Variants in NDRG1 observed in about 807,000 individuals in gnomAD.
NDRG1 encodes N-myc downstream regulated 1, also known as protein NDRG1.
In NDRG1, 32 loss-of-function variants were observed where a neutral mutation model predicts 56.9. The ratio of observed to expected loss-of-function variants is 0.56; its 90% CI spans 0.42 to 0.76. NDRG1 has a LOEUF of 0.76. Among genes scored for constraint, NDRG1 ranks in the 30% least tolerant of loss-of-function variants. The pLI is 0.00. For synonymous variants in NDRG1, 211 were observed against 204.1 expected (o/e 1.03, Z -0.29); for missense variants, 507 against 545.7 (o/e 0.93, Z 0.71).
Position 133,247,928 on chromosome 8 carries a change from T to G in NDRG1, c.756-2A>C. The G allele has an allele frequency of 2.5e-6, 4 of 1,613,986 alleles. No homozygotes were observed. Among genetic ancestry groups the G allele is most frequent in the Non-Finnish European group, 3.4e-6 (4 of 1,179,948 alleles). On this transcript the variant is annotated splice_acceptor_variant, in intron 11 of 15. Transcript: ENST00000323851. LOFTEE classifies it high-confidence loss of function. ...CCAACCACCAACAGAGCAGGGCACCTGGGGTCAGGGATAGAGCAGAGAATT... is the reference window on the plus strand; with the variant it reads ...CCAACCACCAACAGAGCAGGGCACCGGGGGTCAGGGATAGAGCAGAGAATT...
At chr8:133,251,600 T>A (rs958263413) in intron 9 of NDRG1, among the ~76,000 whole-genome samples, 1 of 152,136 alleles carries the variant, frequency 6.6e-6, no homozygotes, top group African/African-American at 2.4e-5. Context: ...GGCTGTGAAT[T>A]TTTCCCAATT....
Position 133,238,156 on chromosome 8 carries a change from T to C in NDRG1, c.*722A>G. 1 of 233,114 alleles carries C rather than the reference T, an allele frequency of 4.3e-6. No individual in the cohort carries two copies. The highest frequency in any genetic ancestry group is 6.0e-5 in the East Asian group (1 of 16,578). 14.4% of individuals were successfully genotyped at this position (233,114 alleles called of 1,614,324 possible). On this transcript the variant is annotated 3_prime_UTR_variant, in exon 16 of 16. Coordinates refer to ENST00000323851, the MANE Select transcript of NDRG1 (RefSeq NM_006096.4). ...CCATGATGCCCAACGTTTGCTGAAA[T>C]ATTTTTGTCTGTAAAGCCAGGAGAT...
chr8:133,241,973 A>G (rs759544908), intron 15 of NDRG1, 50 bp downstream of exon 15: 115 of 1,608,020 alleles, frequency 7.2e-5, no homozygotes, highest in Non-Finnish European at 9.5e-5. Flanking sequence ...GAGCACTTCC[A>G]ATTCCGACAC....
intron 5 of NDRG1, chr8:133,259,513 A>T (rs545139556): frequency 1.1e-4 from 56 of 492,814 alleles, no homozygotes; most frequent in South Asian, 1.1e-3. Context: ...TCATAGCAAG[A>T]TTATAAACAT....
intron 3 of NDRG1, among the ~76,000 whole-genome samples, chr8:133,274,785 G>C (rs1185623187): frequency 2.6e-5 from 4 of 152,174 alleles, no homozygotes; most frequent in Non-Finnish European, 2.9e-5. Flanking sequence ...TCACGGTTGA[G>C]AGAACTGTCT....
chr8:133,253,989 C>T (rs1459251359), intron 9 of NDRG1, among the ~76,000 whole-genome samples: 1 of 151,800 alleles, frequency 6.6e-6, no homozygotes, highest in Non-Finnish European at 1.5e-5. Context: ...GGAATGAGCA[C>T]TGCACCCCGA....
intron 2 of NDRG1, among the ~76,000 whole-genome samples, chr8:133,283,399 T>C (rs558004998): frequency 5.9e-5 from 9 of 152,362 alleles, no homozygotes; most frequent in African/African-American, 2.2e-4. Flanking sequence ...TAAGTGAGAA[T>C]TGGGATGTAA....
At chr8:133,293,933 G>A (rs866348406) in intron 1 of NDRG1, among the ~76,000 whole-genome samples, 13 of 152,172 alleles carry the variant, frequency 8.5e-5, no homozygotes, top group Admixed American at 2.6e-4. Context: ...TAGGACAAAG[G>A]GTCCCAGACT....
Position 133,242,025 on chromosome 8 carries a change from T to C in NDRG1, c.941A>G (p.Tyr314Cys). ...AFKYFVQGMG[Y>C]MPSASMTRLM... ...CACACGGGGAATGCCATACTCACTG[T>C]ATCCCATGCCCTGCACGAAGTACTT... Residue 314 changes from tyrosine (Y) to cysteine (C), a missense_variant and splice_region_variant, in exon 15 of 16, where the codon TAC becomes TGC. Transcript: ENST00000323851. The C allele has an allele frequency of 6.2e-7, 1 of 1,614,222 alleles. No individual in the cohort carries two copies. The highest frequency in any genetic ancestry group is 1.1e-5 in the South Asian group (1 of 91,086).
At chr8:133,248,862 G>A in intron 10 of NDRG1, 91 bp from the exon 11 acceptor site, 1 of 1,455,474 alleles carries the variant, frequency 6.9e-7, no homozygotes, top group Non-Finnish European at 9.6e-7. Context: ...GGTCCTGCCA[G>A]TGGCCATTCT....
In NDRG1 at chr8:133,267,521, A is replaced by C. The variant is rs1399456193; in HGVS notation, c.100-2869T>G. On this transcript the variant is annotated intron_variant, in intron 3 of 15. Coordinates refer to ENST00000323851, the MANE Select transcript of NDRG1 (RefSeq NM_006096.4). ...AGGGCCCAACACTTCTTTCCTGCCCATAACAGGCACTGGAAAAATCCATAG... is the reference window on the plus strand; with the variant it reads ...AGGGCCCAACACTTCTTTCCTGCCCCTAACAGGCACTGGAAAAATCCATAG... Among the ~76,000 whole-genome samples the C allele has an allele frequency of 2.0e-5, 3 of 152,150 alleles. No individual in the cohort carries two copies. In the East Asian group the frequency reaches 5.8e-4, roughly 29 times the overall value.
At chr8:133,259,336 C>T (rs189352741) in intron 5 of NDRG1, 106 bp from the exon 6 acceptor site, 2 of 1,117,824 alleles carry the variant, frequency 1.8e-6, no homozygotes, top group East Asian at 2.4e-5. Flanking sequence ...CTGCCCCATG[C>T]ACCCAGACCC....
At chr8:133,244,306 C>T (rs775007508) in intron 14 of NDRG1, 49 bp downstream of exon 14, 2 of 1,611,182 alleles carry the variant, frequency 1.2e-6, no homozygotes, top group Non-Finnish European at 1.7e-6. Context: ...TGCACTCCAC[C>T]CAGGGGGAAG....
chr8:133,281,753 C>T (rs1401367816), intron 2 of NDRG1, among the ~76,000 whole-genome samples: 2 of 152,136 alleles, frequency 1.3e-5, no homozygotes, highest in Non-Finnish European at 2.9e-5. Context: ...ATTCAAATAG[C>T]CCCACATCCC....
chr8:133,239,351 CCAGA>C (rs1855254312), intron 15 of NDRG1: 1 of 680,894 alleles, frequency 1.5e-6, no homozygotes, highest in Admixed American at 2.8e-5. Flanking sequence ...TGACTTGAAC[CCAGA>C]TCTGGGTCTG....
chr8:133,256,698 G>T, intron 8 of NDRG1, 79 bp downstream of exon 8: 1 of 1,380,422 alleles, frequency 7.2e-7, no homozygotes, highest in Middle Eastern at 2.3e-4. Flanking sequence ...GTAGCTCCAG[G>T]GATCCCCCAG....
chr8:133,287,149 G>A (rs1456599202), intron 1 of NDRG1, among the ~76,000 whole-genome samples: 1 of 152,108 alleles, frequency 6.6e-6, no homozygotes, highest in Non-Finnish European at 1.5e-5. Flanking sequence ...AATCATGTAA[G>A]GAAGTTCAAC....
At chr8:133,292,601 G>A (rs1858491562) in intron 1 of NDRG1, among the ~76,000 whole-genome samples, 1 of 152,134 alleles carries the variant, frequency 6.6e-6, no homozygotes, top group African/African-American at 2.4e-5. Flanking sequence ...CCAGCTGAGA[G>A]AGGCCATAGA....
chr8:133,259,735 G>A (rs59699054), intron 5 of NDRG1, among the ~76,000 whole-genome samples: 1,732 of 152,270 alleles, frequency 0.011, 37 homozygotes, highest in African/African-American at 0.038. Context: ...CACACATGCC[G>A]GGCTCTTGGT....
Sources: allele counts gnomAD v4.1 joint callset (sites outside exome capture counted in the v4.1 genomes callset), GRCh38; gene constraint gnomAD v4.1.1; transcripts MANE v1.5; gene names NCBI Gene and HGNC (gene_info 2026-07-23, HGNC 2026-07-21).